Variants in FBRSL1 observed in about 807,000 individuals in gnomAD.
FBRSL1 encodes fibrosin-1-like protein.
Under a neutral mutation model 89.6 loss-of-function variants are expected in FBRSL1, and 51 were observed. The ratio of observed to expected loss-of-function variants is 0.57; its 90% CI spans 0.45 to 0.72. The LOEUF is 0.72. Among genes scored for constraint, FBRSL1 ranks in the 30% least tolerant of loss-of-function variants. The pLI is 0.00. For synonymous variants in FBRSL1, 779 were observed against 681.1 expected, an observed-to-expected ratio of 1.14 and a Z score of -2.24; for missense variants, 1,618 against 1,451.8, an observed-to-expected ratio of 1.11 and a Z score of -1.86.
chr12:132,508,444 C>T, intron 2 of FBRSL1, 94 bp downstream of exon 2: 3 of 1,303,774 alleles, frequency 2.3e-6, no homozygotes, highest in Non-Finnish European at 3.0e-6. Context: ...GCCACGTGGC[C>T]CCCGGGCCTG....
intron 15 of FBRSL1, chr12:132,580,933 T>C: frequency 5.1e-6 from 5 of 985,434 alleles, no homozygotes; most frequent in South Asian, 9.4e-5. Context: ...AGGGCTGATG[T>C]TGACGTGGTG....
At chr12:132,548,135 C>T (rs2037853592) in intron 5 of FBRSL1, 103 bp downstream of exon 5, 2 of 1,394,060 alleles carry the variant, frequency 1.4e-6, no homozygotes, top group East Asian at 2.5e-5. Flanking sequence ...GAAGATCGGG[C>T]CTTGGGGGGA....
At chr12:132,517,542 A>G (rs941289488) in intron 2 of FBRSL1, among the ~76,000 whole-genome samples, 2 of 152,212 alleles carry the variant, frequency 1.3e-5, no homozygotes, top group Non-Finnish European at 2.9e-5. Flanking sequence ...TTAAACTATA[A>G]CTGGGACAAC....
chr12:132,556,912 C>T (rs187552689), intron 5 of FBRSL1, among the ~76,000 whole-genome samples: 387 of 152,092 alleles, frequency 2.5e-3, no homozygotes, highest in Non-Finnish European at 3.9e-3. Flanking sequence ...AGGACACGGC[C>T]CAATTCAAGG....
intron 4 of FBRSL1, among the ~76,000 whole-genome samples, chr12:132,535,843 GGTGT>G (rs1164415339): frequency 1.3e-5 from 2 of 150,282 alleles, no homozygotes; most frequent in East Asian, 2.0e-4. Context: ...ACGTGTCCAT[GGTGT>G]GTGAGTGCAC....
intron 15 of FBRSL1, among the ~76,000 whole-genome samples, chr12:132,580,520 C>G (rs2040673338): frequency 6.6e-6 from 1 of 152,346 alleles, no homozygotes; most frequent in South Asian, 2.1e-4. Context: ...CTCAGCCTCT[C>G]CCAGTGCGGG....
intron 1 of FBRSL1, among the ~76,000 whole-genome samples, chr12:132,496,028 T>C (rs935697971): frequency 6.6e-6 from 1 of 152,226 alleles, no homozygotes; most frequent in African/African-American, 2.4e-5. Context: ...CTTGGGCCTG[T>C]CAGTTCTTGG....
At chr12:132,582,390 C>T (rs149320476) in intron 18 of FBRSL1, 124 bp downstream of exon 18, 1 of 654,298 alleles carries the variant, frequency 1.5e-6, no homozygotes, top group South Asian at 1.8e-5. Context: ...CCTCACCGTT[C>T]CCCCTCCCCC....
intron 5 of FBRSL1, among the ~76,000 whole-genome samples, chr12:132,557,820 G>A (rs1437342956): frequency 6.6e-6 from 1 of 152,226 alleles, no homozygotes; most frequent in African/African-American, 2.4e-5. Context: ...ACCGAGGCCT[G>A]CTGGGCAGCC....
intron 2 of FBRSL1, chr12:132,510,696 G>C (rs1000254489): frequency 8.2e-7 from 1 of 1,222,178 alleles, no homozygotes; most frequent in Middle Eastern, 3.1e-4. Flanking sequence ...ATGAACCCGC[G>C]TCTGCCTGCC....
intron 3 of FBRSL1, among the ~76,000 whole-genome samples, chr12:132,526,664 G>C (rs1239066953): frequency 6.6e-6 from 1 of 152,156 alleles, no homozygotes; most frequent in East Asian, 1.9e-4. Context: ...GGATTGATTT[G>C]GGAGAGTGGA....
intron 2 of FBRSL1, chr12:132,510,073 G>A (rs2034157966): frequency 8.1e-6 from 10 of 1,230,986 alleles, no homozygotes; most frequent in Admixed American, 4.2e-5. Flanking sequence ...GGCCCGGGAC[G>A]GCCGAGGCAG....
intron 13 of FBRSL1, 62 bp downstream of exon 13, chr12:132,574,410 G>C (rs368078564): frequency 1.3e-6 from 2 of 1,548,022 alleles, no homozygotes; most frequent in Admixed American, 4.0e-5. Context: ...GGGCGGCCTC[G>C]GGGGGCCCGT....
chr12:132,580,301 T>C (rs1229822728), intron 15 of FBRSL1, among the ~76,000 whole-genome samples: 1 of 152,214 alleles, frequency 6.6e-6, no homozygotes, highest in Admixed American at 6.5e-5. Flanking sequence ...TTGGCCAGGC[T>C]GGTCTCAAAC....
chr12:132,537,017 G>A (rs2036820780), intron 4 of FBRSL1, among the ~76,000 whole-genome samples: 1 of 152,180 alleles, frequency 6.6e-6, no homozygotes, highest in South Asian at 2.1e-4. Context: ...GCTGACGTGG[G>A]GTGGGGTAGA....
At chr12:132,535,220 G>A (rs556408537) in intron 4 of FBRSL1, among the ~76,000 whole-genome samples, 18 of 152,252 alleles carry the variant, frequency 1.2e-4, no homozygotes, top group East Asian at 7.7e-4. Flanking sequence ...CTGACAACAC[G>A]AGAATATATT....
intron 2 of FBRSL1, chr12:132,510,727 C>T: frequency 8.3e-7 from 1 of 1,209,772 alleles, no homozygotes; most frequent in East Asian, 3.4e-5. Flanking sequence ...GCTCCCTCTC[C>T]CCCCACTGGC....
intron 5 of FBRSL1, 136 bp from the exon 6 acceptor site, chr12:132,567,345 A>G: frequency 1.3e-6 from 1 of 772,848 alleles, no homozygotes; most frequent in South Asian, 1.6e-5. Flanking sequence ...CACCTCGTAC[A>G]CGGGGGCATC....
At chr12:132,491,069 G>T (rs1350256998) in intron 1 of FBRSL1, among the ~76,000 whole-genome samples, 3 of 152,262 alleles carry the variant, frequency 2.0e-5, no homozygotes, top group Non-Finnish European at 4.4e-5. Flanking sequence ...CAGCAGCGTC[G>T]GGTGGGTTTG....
Sources: allele counts gnomAD v4.1 joint callset (sites outside exome capture counted in the v4.1 genomes callset), GRCh38; gene constraint gnomAD v4.1.1; transcripts MANE v1.5; gene names NCBI Gene and HGNC (gene_info 2026-07-23, HGNC 2026-07-21).